The following VAV3 variants were observed in gnomAD, a reference collection of about 807,000 sequenced individuals.
VAV3 encodes vav guanine nucleotide exchange factor 3.
A neutral mutation model predicts 131.2 loss-of-function variants in VAV3; 94 were observed. That is an observed-to-expected ratio of 0.72 (90% CI 0.61 to 0.85). VAV3 has a LOEUF of 0.85. Among genes scored for constraint, VAV3 ranks in the 40% least tolerant of loss-of-function variants. VAV3 has a pLI of 0.00. For synonymous variants in VAV3, 349 were observed against 342.0 expected, an observed-to-expected ratio of 1.02 and a Z score of -0.22; for missense variants, 939 against 1,002.7, an observed-to-expected ratio of 0.94 and a Z score of 0.86.
At chr1:107,846,788 T>C (rs1571035359) in intron 2 of VAV3, among the ~76,000 whole-genome samples, 1 of 152,296 alleles carries the variant, frequency 6.6e-6, no homozygotes, top group East Asian at 1.9e-4. Context: ...CTTAGAGACC[T>C]ACAGAGAGAC....
intron 15 of VAV3, among the ~76,000 whole-genome samples, chr1:107,725,626 T>A (rs1165914758): frequency 6.6e-6 from 1 of 152,096 alleles, no homozygotes; most frequent in Admixed American, 6.5e-5. Context: ...GTGATTCTCA[T>A]CCCTCAGCCT....
chr1:107,600,229 A>G (rs1481261174), intron 24 of VAV3, among the ~76,000 whole-genome samples: 1 of 152,232 alleles, frequency 6.6e-6, no homozygotes, highest in Non-Finnish European at 1.5e-5. Flanking sequence ...ACAAATGAAC[A>G]GAAACAAAAT....
chr1:107,909,617 G>A (rs12097624), intron 1 of VAV3, among the ~76,000 whole-genome samples: 24,580 of 152,062 alleles, frequency 0.16, 2,095 homozygotes, highest in South Asian at 0.22. Context: ...GGAAATTTCC[G>A]AAAAACTTAT....
chr1:107,945,112 T>C (rs769713986), intron 1 of VAV3, among the ~76,000 whole-genome samples: 3 of 152,160 alleles, frequency 2.0e-5, no homozygotes, highest in African/African-American at 4.8e-5. Context: ...ACCTGGATGG[T>C]TTAGGTAATG....
At chr1:107,748,855 G>A (rs1312346945) in intron 15 of VAV3, 113 bp downstream of exon 15, 1 of 819,818 alleles carries the variant, frequency 1.2e-6, no homozygotes, top group South Asian at 1.9e-5. Flanking sequence ...CATTCCCGTC[G>A]CTGTACACAT....
chr1:107,913,363 C>A (rs6685719), intron 1 of VAV3, among the ~76,000 whole-genome samples: 1 of 152,244 alleles, frequency 6.6e-6, no homozygotes, highest in East Asian at 1.9e-4. Context: ...CTCTGGCATG[C>A]CATTGTGCCC....
chr1:107,827,510 T>C lies in VAV3; in HGVS notation c.321+47391A>G, dbSNP rs75453797. Among the ~76,000 whole-genome samples, 757 of 152,300 alleles carry C rather than the reference T, an allele frequency of 5.0e-3. 6 individuals carry two copies. Among genetic ancestry groups the C allele is most frequent in the African/African-American group, 0.016 (670 of 41,564 alleles). On this transcript the variant is annotated intron_variant, in intron 2 of 26. Transcript: ENST00000370056. ...CCAAGAAACAGTGATTAACAATTGA[T>C]TGATACAAGGAGAGAAAACTCTAGG...
intron 2 of VAV3, among the ~76,000 whole-genome samples, chr1:107,790,824 A>T (rs1251744939): frequency 6.6e-6 from 1 of 150,536 alleles, no homozygotes; most frequent in Non-Finnish European, 1.5e-5. Context: ...AGTAACTTGG[A>T]TTACAGGCAC....
Position 107,777,262 on chromosome 1 carries a change from C to T in VAV3, c.415G>A (p.Asp139Asn), listed in dbSNP as rs34318889. 1,168 of 1,614,040 alleles carry T rather than the reference C, an allele frequency of 7.2e-4. 7 individuals carry two copies. In the African/African-American group the frequency reaches 0.014, roughly 19 times the overall value. ...AAATCAGGAAGGCCTTTGTAGATGTCTTCATCATTAATGCTTTCTTCTGTT... is the reference window on the plus strand; with the variant it reads ...AAATCAGGAAGGCCTTTGTAGATGTTTTCATCATTAATGCTTTCTTCTGTT... ...FPTEESINDE[D>N]IYKGLPDLID... Residue 139 changes from aspartate (D) to asparagine (N), a missense_variant, in exon 4 of 27, where the codon GAC (aspartate) becomes AAC (asparagine). Transcript: ENST00000370056.
At chr1:107,666,729 C>A (rs1657437841) in intron 19 of VAV3, among the ~76,000 whole-genome samples, 1 of 152,158 alleles carries the variant, frequency 6.6e-6, no homozygotes, top group East Asian at 1.9e-4. Context: ...ACCACCACAC[C>A]CAGCTAATTT....
intron 22 of VAV3, among the ~76,000 whole-genome samples, chr1:107,607,191 A>C (rs1462018416): frequency 1.3e-5 from 2 of 151,942 alleles, no homozygotes; most frequent in Non-Finnish European, 2.9e-5. Flanking sequence ...TGACCTCATG[A>C]TCCGCCCACT....
At position 107,621,350 on chromosome 1, in the gene VAV3, T is replaced by C. The variant is rs541509565; in HGVS notation, c.1915-3718A>G. On this transcript the variant is annotated intron_variant, in intron 20 of 26. Transcript: ENST00000370056. ...AGTCTTATCAGCTTTAGCTATATAA[T>C]AACTTCTACTTATTAAAAAGATAGC... Among the ~76,000 whole-genome samples, 15 of 152,228 alleles carry C rather than the reference T, an allele frequency of 9.9e-5. No homozygotes were observed. The South Asian group carries it at 3.1e-3, about 32-fold the overall frequency.
At chr1:107,593,161 G>C (rs1216989211) in intron 25 of VAV3, among the ~76,000 whole-genome samples, 1 of 152,030 alleles carries the variant, frequency 6.6e-6, no homozygotes, top group Non-Finnish European at 1.5e-5. Context: ...TATGCTCCTT[G>C]CCCAATACTT....
intron 24 of VAV3, among the ~76,000 whole-genome samples, chr1:107,601,157 T>C (rs185314814): frequency 6.6e-5 from 10 of 152,284 alleles, no homozygotes; most frequent in African/African-American, 2.4e-4. Flanking sequence ...TCCAATTCTC[T>C]CTGTGCTCAG....
chr1:107,954,184 TTGTC>T (rs1359366772), intron 1 of VAV3, among the ~76,000 whole-genome samples: 1 of 152,048 alleles, frequency 6.6e-6, no homozygotes, highest in African/African-American at 2.4e-5. Flanking sequence ...TAACAATAGG[TTGTC>T]TGTGAATTTA....
At chr1:107,959,271 A>AATT (rs1674968406) in intron 1 of VAV3, among the ~76,000 whole-genome samples, 5 of 126,076 alleles carry the variant, frequency 4.0e-5, no homozygotes, top group Non-Finnish European at 7.9e-5. Flanking sequence ...AAAAATAAAT[A>AATT]AATTAATTAA....
intron 19 of VAV3, among the ~76,000 whole-genome samples, chr1:107,655,675 G>A (rs1022896857): frequency 2.8e-4 from 43 of 151,794 alleles, no homozygotes; most frequent in African/African-American, 9.2e-4. Context: ...CAACAATGTA[G>A]AGAATGGGAG....
intron 1 of VAV3, among the ~76,000 whole-genome samples, chr1:107,876,020 G>A (rs533749102): frequency 3.3e-4 from 50 of 152,234 alleles, no homozygotes; most frequent in African/African-American, 1.1e-3. Context: ...AAGAAGAGGA[G>A]AGTACCTGAG....
At chr1:107,838,345 A>G (rs1177129576) in intron 2 of VAV3, among the ~76,000 whole-genome samples, 1 of 152,242 alleles carries the variant, frequency 6.6e-6, no homozygotes, top group African/African-American at 2.4e-5. Flanking sequence ...TCCAACAAAC[A>G]TAAATGTTCA....
Sources: allele counts gnomAD v4.1 joint callset (sites outside exome capture counted in the v4.1 genomes callset), GRCh38; gene constraint gnomAD v4.1.1; transcripts MANE v1.5; gene names NCBI Gene and HGNC (gene_info 2026-07-23, HGNC 2026-07-21).